Variants in ZRANB3 observed in about 807,000 individuals in gnomAD.
ZRANB3 encodes zinc finger RANBP2-type containing 3, also known as DNA annealing helicase and endonuclease ZRANB3.
In ZRANB3, 125 loss-of-function variants were observed where a neutral mutation model predicts 133.8. The observed-to-expected ratio is 0.93, with a 90% CI of 0.81 to 1.08. The LOEUF is 1.08. Ranked by LOEUF, ZRANB3 falls within the 50% of genes least tolerant of loss-of-function variation. The probability of loss-of-function intolerance (pLI) is 0.00; values close to 1 mark genes in which losing one functional copy is unlikely to be tolerated. For synonymous variants in ZRANB3, 387 were observed against 432.7 expected (o/e 0.89, Z 1.31); for missense variants, 1,229 against 1,275.5 (o/e 0.96, Z 0.56).
intron 2 of ZRANB3, among the ~76,000 whole-genome samples, chr2:135,492,900 T>TTTAG (rs1692455912): frequency 1.3e-5 from 2 of 151,326 alleles, no homozygotes; most frequent in African/African-American, 4.9e-5. Context: ...GAAAAAGGGA[T>TTTAG]CCAGTGGCAA....
chr2:135,275,734 T>A lies in ZRANB3; in HGVS notation c.988A>T (p.Ile330Phe). Residue 330 changes from isoleucine (I) to phenylalanine (F), a missense_variant, in exon 9 of 21, where the codon ATT becomes TTT. Transcript: ENST00000264159. The part of the protein sequence containing the change: ...IAKAGAVKDY[I>F]KMMLQNDSLK... ...GAATCATTCTGAAGCATCATCTTAA[T>A]ATAATCCTTTACAGCACCTGCCTAA... is the stretch of plus-strand genomic sequence containing the variant. 1 of 1,588,802 alleles carries A rather than the reference T, an allele frequency of 6.3e-7. No homozygotes were observed. The highest frequency in any genetic ancestry group is 8.6e-7 in the Non-Finnish European group (1 of 1,166,418).
chr2:135,476,912 G>T (rs1299504978), intron 2 of ZRANB3, among the ~76,000 whole-genome samples: 1 of 151,726 alleles, frequency 6.6e-6, no homozygotes, highest in African/African-American at 2.4e-5. Flanking sequence ...ATAGACACAG[G>T]ACCTCACTAT....
At chr2:135,295,509 A>G (rs1444821723) in intron 8 of ZRANB3, among the ~76,000 whole-genome samples, 10 of 152,030 alleles carry the variant, frequency 6.6e-5, no homozygotes, top group African/African-American at 9.7e-5. Flanking sequence ...ACAGCACACT[A>G]ATGGGTCTTG....
intron 3 of ZRANB3, chr2:135,355,358 ATC>A: frequency 8.6e-6 from 5 of 579,238 alleles, no homozygotes; most frequent in Non-Finnish European, 1.1e-5. Flanking sequence ...ACAATCACAG[ATC>A]TTTTTTTTTT....
At chr2:135,309,232 C>T (rs11892827) in intron 8 of ZRANB3, among the ~76,000 whole-genome samples, 27,998 of 151,866 alleles carry the variant, frequency 0.18, 3,379 homozygotes, top group South Asian at 0.33. Context: ...CTGCCTGCCT[C>T]GGCTTCCCAA....
At chr2:135,253,771 C>T (rs1205383936) in intron 12 of ZRANB3, among the ~76,000 whole-genome samples, 1 of 152,210 alleles carries the variant, frequency 6.6e-6, no homozygotes, top group Non-Finnish European at 1.5e-5. Flanking sequence ...CCTTATGAGA[C>T]TTCCATTGCA....
intron 13 of ZRANB3, among the ~76,000 whole-genome samples, chr2:135,228,703 T>C (rs1048817098): frequency 6.6e-6 from 1 of 152,114 alleles, no homozygotes; most frequent in South Asian, 2.1e-4. Context: ...CAGCCCAAGT[T>C]TTTAGCATGA....
At chr2:135,249,679 TCATGAG>T (rs1679285406) in intron 12 of ZRANB3, among the ~76,000 whole-genome samples, 1 of 152,194 alleles carries the variant, frequency 6.6e-6, no homozygotes, top group African/African-American at 2.4e-5. Flanking sequence ...CAAGTAAGTC[TCATGAG>T]ATCTGATGGG....
At position 135,208,953 on chromosome 2, in the gene ZRANB3, C is replaced by T. The variant is rs774597691; in HGVS notation, c.2521G>A (p.Val841Ile). 8.1e-6 allele frequency: 13 copies of T among 1,613,778 alleles called. No individual in the cohort carries two copies. The highest frequency in any genetic ancestry group is 6.6e-5 in the South Asian group (6 of 91,078). ...KRYITKEDVAVASMDKVKNVG... is the reference protein window; with the variant it reads ...KRYITKEDVAIASMDKVKNVG... ...TTCTTCACTTTGTCCATTGAGGCTA[C>T]GGCAACATCTTCTTTGGTTATGTAT... is the stretch of plus-strand genomic sequence containing the variant. Residue 841 changes from valine to isoleucine, a missense_variant, in exon 18 of 21, where the codon GTA becomes ATA. Val to Ile is a conservative substitution (Grantham distance 29). Coordinates refer to ENST00000264159, the MANE Select transcript of ZRANB3 (RefSeq NM_032143.4).
intron 1 of ZRANB3, chr2:135,510,512 G>C: frequency 1.7e-6 from 1 of 603,862 alleles, no homozygotes; most frequent in South Asian, 1.9e-5. Context: ...GTAGGAGCTA[G>C]GGTTTGTATG....
At chr2:135,427,720 C>CAA (rs570819474) in intron 2 of ZRANB3, among the ~76,000 whole-genome samples, 2 of 151,372 alleles carry the variant, frequency 1.3e-5, no homozygotes, top group Non-Finnish European at 2.9e-5. Context: ...CATATGGAAC[C>CAA]AAAAAAAAGC....
rs1693475145 is a variant in ZRANB3, at chr2:135,198,001, C to G, written c.*2341G>C. 1 of 152,384 alleles carries G rather than the reference C, an allele frequency of 6.6e-6. No individual in the cohort carries two copies. The highest frequency in any genetic ancestry group is 1.9e-4 in the East Asian group (1 of 5,184). The allele number at this position is 152,384 out of a possible 1,614,324, so 9.4% of individuals were successfully genotyped here. A position where few individuals can be genotyped will look rare whatever the true frequency, so the allele number is the denominator to read the frequency against. On this transcript the variant is annotated 3_prime_UTR_variant, in exon 21 of 21. Transcript: ENST00000264159. The stretch of plus-strand genomic sequence containing the variant: ...GTTGTTTTCTTAGCCTAAACTGTAT[C>G]TTGCAGCTTCTCTGAGTCTTTTCAG...
intron 1 of ZRANB3, among the ~76,000 whole-genome samples, chr2:135,524,232 C>T (rs1694059679): frequency 6.6e-6 from 1 of 152,078 alleles, no homozygotes; most frequent in South Asian, 2.1e-4. Flanking sequence ...CAGGCATGCA[C>T]CACCACAGCT....
In ZRANB3 at chr2:135,288,058, T is replaced by G. The variant is rs147528490; in HGVS notation, c.967-12303A>C. Among the ~76,000 whole-genome samples the G allele has an allele frequency of 6.0e-3, 916 of 152,306 alleles. 9 individuals are homozygous for G. The highest frequency in any genetic ancestry group is 0.02 in the African/African-American group (827 of 41,560). On this transcript the variant is annotated intron_variant, in intron 8 of 20. Coordinates refer to ENST00000264159, the MANE Select transcript of ZRANB3 (RefSeq NM_032143.4). ...CAACTTTTCCCCATTTGGTATAATG[T>G]TCGCTGTGGGTTTGTCATAGATGGC... is the stretch of plus-strand genomic sequence containing the variant.
In ZRANB3 at chr2:135,256,003, G is replaced by A. The variant is rs577554187; in HGVS notation, c.1539+9531C>T. Among the ~76,000 whole-genome samples, 35 of 148,742 alleles carry A rather than the reference G, an allele frequency of 2.4e-4. No individual in the cohort carries two copies. In the South Asian group the frequency reaches 6.0e-3, roughly 25 times the overall value. Reference sequence around the variant, plus strand: ...ATCACGGCTCACTACAGACTCGACCGCCCTGGGCTCAGGTGATCCTCTCAC... The same window carrying A: ...ATCACGGCTCACTACAGACTCGACCACCCTGGGCTCAGGTGATCCTCTCAC... On this transcript the variant is annotated intron_variant, in intron 12 of 20. Transcript: ENST00000264159.
At chr2:135,356,099 T>C (rs1006748638) in intron 3 of ZRANB3, among the ~76,000 whole-genome samples, 7 of 151,992 alleles carry the variant, frequency 4.6e-5, no homozygotes, top group African/African-American at 1.7e-4. Flanking sequence ...TCTTGTCTAC[T>C]GAGATCAGGT....
intron 19 of ZRANB3, among the ~76,000 whole-genome samples, chr2:135,203,574 G>C (rs975129004): frequency 7.4e-6 from 1 of 136,008 alleles, no homozygotes; most frequent in Non-Finnish European, 1.5e-5. Flanking sequence ...AGCAGAGATT[G>C]CACCACTGCA....
At chr2:135,495,346 T>C (rs1056151748) in intron 2 of ZRANB3, among the ~76,000 whole-genome samples, 5 of 152,222 alleles carry the variant, frequency 3.3e-5, no homozygotes, top group Non-Finnish European at 7.3e-5. Context: ...TATATTATAG[T>C]ATTGCATATT....
chr2:135,451,990 G>C (rs1690293232), intron 2 of ZRANB3, among the ~76,000 whole-genome samples: 1 of 152,104 alleles, frequency 6.6e-6, no homozygotes, highest in South Asian at 2.1e-4. Flanking sequence ...AAGGGGGAGA[G>C]AAGTCAAAAA....
Sources: allele counts gnomAD v4.1 joint callset (sites outside exome capture counted in the v4.1 genomes callset), GRCh38; gene constraint gnomAD v4.1.1; transcripts MANE v1.5; gene names NCBI Gene and HGNC (gene_info 2026-07-23, HGNC 2026-07-21).